Variants in PRKCH observed in about 807,000 individuals in gnomAD.
PRKCH encodes protein kinase C eta, also known as protein kinase C eta type.
A neutral mutation model predicts 82.5 loss-of-function variants in PRKCH; 28 were observed. The observed-to-expected ratio is 0.34, with a 90% confidence interval of 0.25 to 0.47. The LOEUF is 0.47. Among genes scored for constraint, PRKCH ranks in the 20% least tolerant of loss-of-function variants. The pLI is 1.00. For missense variants in PRKCH, 705 were observed against 881.8 expected (o/e 0.80, Z 2.54); for synonymous variants, 322 against 327.4 (o/e 0.98, Z 0.18).
chr14:61,484,825 G>T (rs1240178185), intron 9 of PRKCH, among the ~76,000 whole-genome samples: 1 of 145,696 alleles, frequency 6.9e-6, no homozygotes. Context: ...TGGGAGTGCC[G>T]TGGCACAATC....
intron 2 of PRKCH, among the ~76,000 whole-genome samples, chr14:61,401,552 C>A (rs1422778220): frequency 1.3e-5 from 2 of 152,166 alleles, no homozygotes; most frequent in Non-Finnish European, 2.9e-5. Flanking sequence ...TTGACATTTG[C>A]CCCAATGGTG....
chr14:61,236,368 A>G (rs556313419), intron 1 of PRKCH, among the ~76,000 whole-genome samples: 1 of 152,332 alleles, frequency 6.6e-6, no homozygotes, highest in Non-Finnish European at 1.5e-5. Context: ...GGAGGTCAGC[A>G]CAAGATACAG....
At chr14:61,209,831 C>G (rs2140044605) in intron 1 of PRKCH, among the ~76,000 whole-genome samples, 1 of 152,140 alleles carries the variant, frequency 6.6e-6, no homozygotes, top group East Asian at 1.9e-4. Context: ...TTTGAACTCC[C>G]TGGTGTCTAT....
chr14:61,305,064 T>C (rs1172788745), intron 1 of PRKCH: 1 of 152,150 alleles, frequency 6.6e-6, no homozygotes, highest in Non-Finnish European at 1.5e-5. Context: ...TTTATTCTGC[T>C]TGGAGTTTGT....
intron 6 of PRKCH, 142 bp from the exon 7 acceptor site, chr14:61,453,084 G>A: frequency 9.5e-7 from 1 of 1,055,024 alleles, no homozygotes; most frequent in Non-Finnish European, 1.4e-6. Flanking sequence ...ACTAGTGTGA[G>A]CTTAATTTTA....
At chr14:61,399,775 A>G (rs571588649) in intron 2 of PRKCH, among the ~76,000 whole-genome samples, 1 of 152,172 alleles carries the variant, frequency 6.6e-6, no homozygotes, top group Non-Finnish European at 1.5e-5. Flanking sequence ...TTTCTTCCCC[A>G]GAGTTCCCAA....
At chr14:61,269,121 A>G (rs17733617) in intron 1 of PRKCH, among the ~76,000 whole-genome samples, 7,703 of 152,302 alleles carry the variant, frequency 0.051, 267 homozygotes, top group Non-Finnish European at 0.078. Flanking sequence ...CCAAAGTTAG[A>G]GCCAAAAATT....
chr14:61,456,853 C>T lies in PRKCH; in HGVS notation c.961-323C>T. ...GTGGCGCTCGTGGAATGGGACCTTC[C>T]CGTGGAAAGCCACCGCAGAAGGCAC... On this transcript the variant is annotated intron_variant, in intron 7 of 13. Transcript: ENST00000332981. 3 of 216,472 alleles carry T rather than the reference C, an allele frequency of 1.4e-5. No individual in the cohort carries two copies. In the South Asian group the frequency reaches 2.4e-4, roughly 18 times the overall value. The allele number at this position is 216,472 out of a possible 1,614,324, so 13.4% of individuals were successfully genotyped here. A position where few individuals can be genotyped will look rare whatever the true frequency, so the allele number is the denominator to read the frequency against.
At chr14:61,227,162 A>T (rs1198196517) in intron 1 of PRKCH, among the ~76,000 whole-genome samples, 1 of 152,244 alleles carries the variant, frequency 6.6e-6, no homozygotes, top group Admixed American at 6.5e-5. Flanking sequence ...GGCAGTATAG[A>T]ACAGCAGTTA....
At chr14:61,240,162 G>A (rs948453691) in intron 1 of PRKCH, among the ~76,000 whole-genome samples, 2 of 152,030 alleles carry the variant, frequency 1.3e-5, no homozygotes, top group African/African-American at 2.4e-5. Context: ...AGATTGACAC[G>A]GACACACGTG....
chr14:61,453,479 C>T (rs1884609214), intron 7 of PRKCH, 126 bp downstream of exon 7: 1 of 922,530 alleles, frequency 1.1e-6, no homozygotes, highest in Non-Finnish European at 1.5e-6. Context: ...AGACTTATTG[C>T]CTTTCTTTCT....
chr14:61,447,303 C>A (rs945707346), intron 4 of PRKCH, among the ~76,000 whole-genome samples: 3 of 152,134 alleles, frequency 2.0e-5, no homozygotes, highest in African/African-American at 7.2e-5. Flanking sequence ...ATACATGGGA[C>A]AAACTGATAG....
intron 2 of PRKCH, among the ~76,000 whole-genome samples, chr14:61,406,039 T>C (rs1173784049): frequency 6.6e-6 from 1 of 152,204 alleles, no homozygotes; most frequent in South Asian, 2.1e-4. Context: ...TGAATGAGAA[T>C]CTCTGGGGAA....
chr14:61,318,018 C>T (rs1191295493), upstream of PRKCH, among the ~76,000 whole-genome samples: 1 of 152,046 alleles, frequency 6.6e-6, no homozygotes, highest in Non-Finnish European at 1.5e-5. Context: ...GAATTGAGCT[C>T]TTCATCCTCC....
At chr14:61,453,653 C>G (rs1447686344) in intron 7 of PRKCH, among the ~76,000 whole-genome samples, 2 of 149,384 alleles carry the variant, frequency 1.3e-5, no homozygotes, top group Middle Eastern at 3.4e-3. Flanking sequence ...CTTCCCCTTC[C>G]CTGTCTTCAT....
At chr14:61,375,383 C>G (rs2046415943) in intron 1 of PRKCH, among the ~76,000 whole-genome samples, 1 of 152,096 alleles carries the variant, frequency 6.6e-6, no homozygotes, top group Non-Finnish European at 1.5e-5. Context: ...TTACCCATTT[C>G]CAAAGTTGCT....
intron 1 of PRKCH, among the ~76,000 whole-genome samples, chr14:61,194,225 C>T (rs1180115416): frequency 2.6e-5 from 4 of 151,996 alleles, no homozygotes; most frequent in East Asian, 3.9e-4. Context: ...AAATTAGTAC[C>T]ATTAATACTT....
chr14:61,534,723 AGAGAGATGAAGGGACTTT>A (rs1465831529), intron 12 of PRKCH, among the ~76,000 whole-genome samples: 3 of 152,186 alleles, frequency 2.0e-5, no homozygotes, highest in Non-Finnish European at 4.4e-5. Flanking sequence ...AAACGGGCCC[AGAGAGATGAAGGGACTTT>A]ACATGTTAGA....
chr14:61,513,036 A>G, intron 10 of PRKCH, among the ~76,000 whole-genome samples: 1 of 152,130 alleles, frequency 6.6e-6, no homozygotes, highest in East Asian at 1.9e-4. Flanking sequence ...CCAAGCTGAC[A>G]CTTACAGTAA....
Sources: allele counts gnomAD v4.1 joint callset (sites outside exome capture counted in the v4.1 genomes callset), GRCh38; gene constraint gnomAD v4.1.1; transcripts MANE v1.5; gene names NCBI Gene and HGNC (gene_info 2026-07-23, HGNC 2026-07-21).